LY6G5B: variants seen among roughly 807,000 people sequenced by gnomAD.
The protein encoded by LY6G5B is lymphocyte antigen 6 complex locus protein G5b.
Under a neutral mutation model 6.7 loss-of-function variants are expected in LY6G5B, and 6 were observed. That is an observed-to-expected ratio of 0.89 (90% CI 0.49 to 1.76). The LOEUF is 1.76. Ranked by LOEUF, LY6G5B falls within the 40% of genes most tolerant of loss-of-function variation. The probability of loss-of-function intolerance (pLI) is 0.01; values close to 1 mark genes in which losing one functional copy is unlikely to be tolerated. For synonymous variants in LY6G5B, 98 were observed against 99.4 expected (o/e 0.99, Z 0.09); for missense variants, 240 against 249.5 (o/e 0.96, Z 0.26).
chr6:31,671,937 C>CTACT lies in LY6G5B; in HGVS notation c.263_266dup (p.Phe89LeufsTer34), dbSNP rs1562059371. 1 of 1,613,092 alleles carries CTACT rather than the reference C, an allele frequency of 6.2e-7. No homozygotes were observed. The highest frequency in any genetic ancestry group is 8.5e-7 in the Non-Finnish European group (1 of 1,180,034). On this transcript the variant is annotated frameshift_variant, in exon 3 of 3. Transcript: ENST00000375864. LOFTEE classifies it low-confidence loss of function (END_TRUNC). ...ACCGCTGCCAAGAAAAACGCAACACCTACTTTGCAGAGTACTGGTATCAGG... is the reference window on the plus strand; with the variant it reads ...ACCGCTGCCAAGAAAAACGCAACACCTACTTACTTTGCAGAGTACTGGTATCAGG...
exon 1 of LY6G5B, chr6:31,670,401 A>C (rs805268): frequency 0.063 from 10,772 of 172,324 alleles, 537 homozygotes; most frequent in African/African-American, 0.14. Flanking sequence ...TAAAGTCAGT[A>C]TAACTAAAGG....
At position 31,670,359 on chromosome 6, in the gene LY6G5B, C is replaced by G. The variant is rs1248686277; in HGVS notation, c.-592C>G. On this transcript the variant is annotated 5_prime_UTR_variant, in exon 1 of 3. In the 5' UTR this introduces an upstream ATG that the reference lacks. Transcript: ENST00000375864. The stretch of plus-strand genomic sequence containing the variant: ...TAAGGGGCTTAATCAGCAGCTCCAT[C>G]TTTTAGTTTTAGTTCTAAAGGAAAA... 1 of 179,578 alleles carries G rather than the reference C, an allele frequency of 5.6e-6. No individual in the cohort carries two copies. The highest frequency in any genetic ancestry group is 1.2e-5 in the Non-Finnish European group (1 of 86,214). The allele number at this position is 179,578 out of a possible 1,614,324, so 11.1% of individuals were successfully genotyped here.
chr6:31,671,936 C>T (rs1444676914), exon 3 of LY6G5B: 1 of 1,612,958 alleles, frequency 6.2e-7, no homozygotes, highest in African/African-American at 1.3e-5. Context: ...AAACGCAACA[C>T]CTACTTTGCA....
chr6:31,672,548 G>A (rs1802313620), exon 3 of LY6G5B: 10 of 491,962 alleles, frequency 2.0e-5, no homozygotes, highest in Non-Finnish European at 3.2e-5. Context: ...GGGTTCCAGC[G>A]ATTCTCCTGC....
chr6:31,671,539 G>C (rs993832506), intron 2 of LY6G5B, among the ~76,000 whole-genome samples: 67 of 152,136 alleles, frequency 4.4e-4, no homozygotes, highest in African/African-American at 1.5e-3. Flanking sequence ...ATGGTGGTAT[G>C]CACCTGTAGT....
Position 31,671,306 on chromosome 6 carries a change from G to T in LY6G5B, c.187+22G>T, listed in dbSNP as rs759313418. On this transcript the variant is annotated intron_variant, in intron 2 of 2. Coordinates refer to ENST00000375864, the Ensembl canonical transcript of LY6G5B. ...TATGGTAAATAAGGTCCCAGGAAGG[G>T]GCTGCTGGTGGGGCAGCCAATGGCT... 2.5e-6 allele frequency: 4 copies of T among 1,612,706 alleles called. No individual in the cohort carries two copies. In the South Asian group the frequency reaches 4.4e-5, roughly 18 times the overall value.
intron 2 of LY6G5B, among the ~76,000 whole-genome samples, chr6:31,671,630 A>G (rs778400421): frequency 6.6e-6 from 1 of 152,092 alleles, no homozygotes; most frequent in Non-Finnish European, 1.5e-5. Flanking sequence ...TTGCGCCACC[A>G]TGCTCCAGCC....
upstream of LY6G5B, chr6:31,669,991 C>T: frequency 7.5e-7 from 1 of 1,338,732 alleles, no homozygotes; most frequent in Non-Finnish European, 1.0e-6. This position sits in a 1 kb window ranked among gnomAD's most constrained non-coding sequence, Gnocchi z 4.8. Context: ...CTTTCAGGAA[C>T]CCTGTATGGT....
At chr6:31,670,758 C>A in exon 1 of LY6G5B, 1 of 593,670 alleles carries the variant, frequency 1.7e-6, no homozygotes, top group Non-Finnish European at 2.9e-6. Flanking sequence ...ACATGCTGTC[C>A]CTCCTGCCAA....
At chr6:31,670,880 G>A (rs191364386) in exon 1 of LY6G5B, 16 of 1,491,726 alleles carry the variant, frequency 1.1e-5, no homozygotes, top group Middle Eastern at 1.8e-4. Flanking sequence ...TAGGATTAAG[G>A]AGCATGGTCA....
rs1802206966 is a variant in LY6G5B at position 31,671,409 on chromosome 6, C to A, written c.187+125C>A. On this transcript the variant is annotated intron_variant, in intron 2 of 2. Transcript: ENST00000375864. Reference sequence around the variant, plus strand: ...AGAGAGGAGGGGCTGAGTGCAATGGCTCATGCCTGTAACCCTAGCACTTTG... The same window carrying A: ...AGAGAGGAGGGGCTGAGTGCAATGGATCATGCCTGTAACCCTAGCACTTTG... 4 of 1,388,160 alleles carry A rather than the reference C, an allele frequency of 2.9e-6. No individual in the cohort carries two copies. In the African/African-American group the frequency reaches 5.7e-5, roughly 20 times the overall value. The allele number at this position is 1,388,160 out of a possible 1,614,324, so 86.0% of individuals were successfully genotyped here. A position where few individuals can be genotyped will look rare whatever the true frequency, so the allele number is the denominator to read the frequency against.
chr6:31,672,334 C>G, exon 3 of LY6G5B: 2 of 1,545,098 alleles, frequency 1.3e-6, no homozygotes, highest in South Asian at 1.2e-5. Flanking sequence ...CTGCACTGCC[C>G]TCTCTGAAAA....
chr6:31,671,137 C>T lies in LY6G5B; in HGVS notation c.59-19C>T, dbSNP rs1401172708. ...TTGAGAGTGACCCAGTGCCTCCATCCCTCCTTCTGCCTCCCCAGTTCCTGT... is the reference window on the plus strand; with the variant it reads ...TTGAGAGTGACCCAGTGCCTCCATCTCTCCTTCTGCCTCCCCAGTTCCTGT... On this transcript the variant is annotated intron_variant, in intron 1 of 2. Transcript: ENST00000375864. The T allele has an allele frequency of 6.2e-7, 1 of 1,613,752 alleles. No individual in the cohort carries two copies. Among genetic ancestry groups the T allele is most frequent in the African/African-American group, 1.3e-5 (1 of 74,880 alleles).
At chr6:31,672,249 C>G (rs1802289897) in exon 3 of LY6G5B, 1 of 1,613,052 alleles carries the variant, frequency 6.2e-7, no homozygotes, top group East Asian at 2.2e-5. Context: ...TGGTTCTTCC[C>G]CAGGCTGGAC....
exon 3 of LY6G5B, chr6:31,672,174 G>A (rs2151194506): frequency 6.2e-7 from 1 of 1,613,120 alleles, no homozygotes; most frequent in South Asian, 1.1e-5. Flanking sequence ...CACTGTCCCT[G>A]AACCTGGGCT....
exon 3 of LY6G5B, chr6:31,673,276 G>A (rs1802368346): frequency 6.6e-6 from 1 of 152,198 alleles, no homozygotes; most frequent in African/African-American, 2.4e-5. Context: ...CAAAAAAAAG[G>A]ATGAGGAATA....
chr6:31,672,345 C>T (rs917666451), exon 3 of LY6G5B: 10 of 1,508,384 alleles, frequency 6.6e-6, no homozygotes, highest in Non-Finnish European at 9.0e-6. Context: ...TCTCTGAAAA[C>T]ACCCACATTC....
At chr6:31,671,713 G>A in intron 2 of LY6G5B, 151 bp from the exon 3 acceptor site, 1 of 888,504 alleles carries the variant, frequency 1.1e-6, no homozygotes, top group East Asian at 2.5e-5. Context: ...AGGTTCTAGG[G>A]GGCCAGCAGA....
Position 31,671,018 on chromosome 6 carries a change from G to C in LY6G5B, c.58+10G>C. On this transcript the variant is annotated intron_variant, in intron 1 of 2. Coordinates refer to ENST00000375864, the Ensembl canonical transcript of LY6G5B. ...TTCACAGTAGGAAAGGGTAAGTGGG[G>C]CCCAGGGGCAGGGAGGGAGGAAGGG... The C allele has an allele frequency of 6.2e-7, 1 of 1,612,270 alleles. No homozygotes were observed. Among genetic ancestry groups the C allele is most frequent in the Admixed American group, 1.7e-5 (1 of 59,896 alleles).
Sources: allele counts gnomAD v4.1 joint callset (sites outside exome capture counted in the v4.1 genomes callset), GRCh38; gene constraint gnomAD v4.1.1; non-coding constraint Gnocchi (gnomAD v3.1); transcripts MANE v1.5; gene names NCBI Gene and HGNC (gene_info 2026-07-23, HGNC 2026-07-21).